Variants in GLB1 observed in about 807,000 individuals in gnomAD.
The protein encoded by GLB1 is galactosidase beta 1, also known as beta-galactosidase.
A neutral mutation model predicts 74.0 loss-of-function variants in GLB1; 56 were observed. The observed-to-expected ratio is 0.76, with a 90% CI of 0.61 to 0.94. The LOEUF is 0.94. Among genes scored for constraint, GLB1 ranks in the 40% least tolerant of loss-of-function variants. GLB1 has a pLI of 0.00. For synonymous variants in GLB1, 323 were observed against 323.6 expected, an observed-to-expected ratio of 1.00 and a Z score of 0.02; for missense variants, 787 against 845.5, an observed-to-expected ratio of 0.93 and a Z score of 0.86.
rs574621127 is a variant in GLB1 at position 33,077,845 on chromosome 3, T to G, written c.76-5132A>C. Among the ~76,000 whole-genome samples, 30 of 149,262 alleles carry G rather than the reference T, an allele frequency of 2.0e-4. No homozygotes were observed. The South Asian group carries it at 5.7e-3, about 28-fold the overall frequency. The stretch of plus-strand genomic sequence containing the variant: ...TATTTCAGTAAGTTATTTTGCTGTT[T>G]TAACAAAAAAAAAACATAAAAATCC... On this transcript the variant is annotated intron_variant, in intron 1 of 15. Transcript: ENST00000307363.
At chr3:33,036,291 T>C (rs1260812075) in intron 10 of GLB1, among the ~76,000 whole-genome samples, 1 of 152,144 alleles carries the variant, frequency 6.6e-6, no homozygotes, top group African/African-American at 2.4e-5. Context: ...AAGAAAAGTG[T>C]GTGGAGTTTC....
chr3:32,975,744 C>G, the GLB1 span, among the ~76,000 whole-genome samples: 1 of 152,146 alleles, frequency 6.6e-6, no homozygotes, highest in Non-Finnish European at 1.5e-5. Context: ...GATCAACAAT[C>G]CAAACAGCAG....
chr3:33,041,218 G>A (rs989746675), intron 10 of GLB1, among the ~76,000 whole-genome samples: 4 of 152,094 alleles, frequency 2.6e-5, no homozygotes, highest in African/African-American at 7.2e-5. Flanking sequence ...ACTATACAGC[G>A]TCAAATATAA....
the GLB1 span, among the ~76,000 whole-genome samples, chr3:32,962,241 A>C: frequency 3.3e-5 from 5 of 152,096 alleles, no homozygotes; most frequent in Admixed American, 1.3e-4. Context: ...GGGGAGCCTA[A>C]GGAGACAACT....
the GLB1 span, among the ~76,000 whole-genome samples, chr3:32,987,018 C>T: frequency 6.6e-6 from 1 of 152,206 alleles, no homozygotes; most frequent in Non-Finnish European, 1.5e-5. Flanking sequence ...CCTTTATGGA[C>T]TGGTGTACCC....
chr3:32,983,827 C>A, the GLB1 span, among the ~76,000 whole-genome samples: 1 of 151,530 alleles, frequency 6.6e-6, no homozygotes, highest in African/African-American at 2.4e-5. Flanking sequence ...TACAGATGCA[C>A]CACTACCAAG....
chr3:33,022,564 A>ATTTTGTTTTTTTTTTTTTTTT (rs1697539508), intron 11 of GLB1, among the ~76,000 whole-genome samples: 1 of 63,746 alleles, frequency 1.6e-5, no homozygotes, highest in Admixed American at 2.9e-4. Flanking sequence ...ACTGGTTAGG[A>ATTTTGTTTTTTTTTTTTTTTT]TTTTTTTTTT....
At chr3:33,088,985 T>C (rs1378307076) in intron 1 of GLB1, among the ~76,000 whole-genome samples, 1 of 152,218 alleles carries the variant, frequency 6.6e-6, no homozygotes, top group African/African-American at 2.4e-5. Context: ...CTTGTGTATA[T>C]GGTCAAATGA....
intron 10 of GLB1, among the ~76,000 whole-genome samples, chr3:33,036,257 C>A (rs775667912): frequency 4.6e-5 from 7 of 151,954 alleles, no homozygotes; most frequent in African/African-American, 1.7e-4. Flanking sequence ...TCCCAGCCAT[C>A]GATCAGAAGA....
rs1700024276 is a variant in GLB1, at chr3:33,074,388, G to A, written c.76-1675C>T. Among the ~76,000 whole-genome samples, 2 of 116,028 alleles carry A rather than the reference G, an allele frequency of 1.7e-5. 1 individual carries two copies. The highest frequency in any genetic ancestry group is 4.1e-5 in the Non-Finnish European group (2 of 49,356). The allele number at this position is 116,028 out of a possible 152,430, so 76.1% of individuals were successfully genotyped here. On this transcript the variant is annotated intron_variant, in intron 1 of 15. Coordinates refer to ENST00000307363, the MANE Select transcript of GLB1 (RefSeq NM_000404.4). The stretch of plus-strand genomic sequence containing the variant: ...AGGAAGGAAGGAAGGAAGGAAGGAA[G>A]GAAGAAAGAAAGAAAGAAAGAATAT...
chr3:33,068,802 C>T lies in GLB1; in HGVS notation c.396+18G>A, dbSNP rs772802498. 1 of 1,613,438 alleles carries T rather than the reference C, an allele frequency of 6.2e-7. No homozygotes were observed. The highest frequency in any genetic ancestry group is 8.5e-7 in the Non-Finnish European group (1 of 1,180,030). The stretch of plus-strand genomic sequence containing the variant: ...CAGCTCACACACACCAGGTAGAGCC[C>T]AGTCTAGCCACACTCACCATTTCCC... On this transcript the variant is annotated intron_variant, in intron 3 of 15. Transcript: ENST00000307363.
Position 33,018,647 on chromosome 3 carries a change from T to A in GLB1, c.1234-86A>T, listed in dbSNP as rs191190946. On this transcript the variant is annotated intron_variant, in intron 12 of 15. Coordinates refer to ENST00000307363, the MANE Select transcript of GLB1 (RefSeq NM_000404.4). Reference sequence around the variant, plus strand: ...TTACCCTAGACATGTATGAAAGCGATGTTTCTCAAACCATAAGGAATGAAA... The same window carrying A: ...TTACCCTAGACATGTATGAAAGCGAAGTTTCTCAAACCATAAGGAATGAAA... 1.1e-4 allele frequency: 156 copies of A among 1,400,346 alleles called. 1 individual carries two copies. The African/African-American group carries it at 1.9e-3, about 17-fold the overall frequency. 86.7% of individuals were successfully genotyped at this position (1,400,346 alleles called of 1,614,324 possible). A position where few individuals can be genotyped will look rare whatever the true frequency, so the allele number is the denominator to read the frequency against.
At chr3:33,051,037 G>A (rs879831217) in intron 9 of GLB1, among the ~76,000 whole-genome samples, 1 of 151,666 alleles carries the variant, frequency 6.6e-6, no homozygotes, top group Non-Finnish European at 1.5e-5. Context: ...GACCACCCTG[G>A]CTAACACGGT....
At position 33,053,485 on chromosome 3, in the gene GLB1, T is replaced by G; in HGVS notation, c.792+6A>C. The G allele has an allele frequency of 6.2e-7, 1 of 1,614,164 alleles. No homozygotes were observed. The highest frequency in any genetic ancestry group is 8.5e-7 in the Non-Finnish European group (1 of 1,180,000). Reference sequence around the variant, plus strand: ...TGCAAACACACACCTCACCCTCGATTCTTACCAAGGGTCCTTTGGGCTCAC... The same window carrying G: ...TGCAAACACACACCTCACCCTCGATGCTTACCAAGGGTCCTTTGGGCTCAC... On this transcript the variant is annotated splice_donor_region_variant and intron_variant, in intron 7 of 15. Transcript: ENST00000307363.
At chr3:33,070,638 G>C (rs1575473762) in intron 2 of GLB1, among the ~76,000 whole-genome samples, 1 of 152,190 alleles carries the variant, frequency 6.6e-6, no homozygotes, top group East Asian at 1.9e-4. Context: ...GAGTCCAGGA[G>C]TTGAAGACCA....
the GLB1 span, among the ~76,000 whole-genome samples, chr3:32,966,721 C>T: frequency 2.0e-5 from 3 of 152,192 alleles, no homozygotes; most frequent in Non-Finnish European, 4.4e-5. Context: ...CCCATAATCC[C>T]CATGTGTCTT....
intron 10 of GLB1, among the ~76,000 whole-genome samples, chr3:33,037,271 C>T (rs1032522845): frequency 5.9e-5 from 9 of 152,036 alleles, no homozygotes; most frequent in Non-Finnish European, 1.3e-4. Flanking sequence ...GTCTCGAACT[C>T]CTGACCTTAG....
chr3:32,979,268 TC>T, the GLB1 span, among the ~76,000 whole-genome samples: 2 of 152,090 alleles, frequency 1.3e-5, no homozygotes, highest in African/African-American at 4.8e-5. Flanking sequence ...ATTCATTGTT[TC>T]AGAGGGTGGA....
the GLB1 span, among the ~76,000 whole-genome samples, chr3:32,973,039 G>A: frequency 6.6e-6 from 1 of 152,182 alleles, no homozygotes; most frequent in Non-Finnish European, 1.5e-5. Context: ...AACTGTCTTT[G>A]TTTCTTACTT....
Sources: gnomAD v4.1 joint callset for allele counts (sites outside exome capture counted in the v4.1 genomes callset) on GRCh38, gnomAD v4.1.1 for gene constraint, MANE v1.5 for transcripts, NCBI Gene and HGNC (gene_info 2026-07-23, HGNC 2026-07-21) for gene names.